Variants in PRKN observed in about 807,000 individuals in gnomAD.
PRKN encodes the protein E3 ubiquitin-protein ligase parkin.
PRKN carries 56 observed loss-of-function variants against 59.5 expected under a neutral mutation model. That is an observed-to-expected ratio of 0.94 (90% CI 0.76 to 1.18). The LOEUF is 1.18. PRKN is among the 50% of genes most tolerant of loss of function. The probability of loss-of-function intolerance (pLI) is 0.00; values close to 1 mark genes in which losing one functional copy is unlikely to be tolerated. For synonymous variants in PRKN, 250 were observed against 222.1 expected, an observed-to-expected ratio of 1.13 and a Z score of -1.12; for missense variants, 657 against 596.4, an observed-to-expected ratio of 1.10 and a Z score of -1.06.
intron 1 of PRKN, among the ~76,000 whole-genome samples, chr6:162,622,424 T>C (rs1427122021): frequency 4.6e-5 from 7 of 152,060 alleles, no homozygotes; most frequent in Non-Finnish European, 1.0e-4. Context: ...CCTCAGGTCA[T>C]CTGCCCACCT....
chr6:161,973,229 G>T lies in PRKN; in HGVS notation c.734+73C>A. On this transcript the variant is annotated intron_variant, in intron 6 of 11. Coordinates refer to ENST00000366898, the MANE Select transcript of PRKN (RefSeq NM_004562.3). ...AGAACAATATTGGGAAAGTAAGGAG[G>T]GGGGAGTGATGCTATTTTTAGATCC... 5 of 943,064 alleles carry T rather than the reference G, an allele frequency of 5.3e-6. No individual in the cohort carries two copies. The South Asian group carries it at 6.5e-5, about 12-fold the overall frequency. 58.4% of individuals were successfully genotyped at this position (943,064 alleles called of 1,614,324 possible).
chr6:161,490,801 C>T (rs191883338), intron 9 of PRKN, among the ~76,000 whole-genome samples: 18 of 152,228 alleles, frequency 1.2e-4, no homozygotes, highest in Admixed American at 7.2e-4. Flanking sequence ...GTGGGGTTCT[C>T]ATGCTTGTGT....
chr6:161,605,805 C>T (rs189738817), intron 7 of PRKN, among the ~76,000 whole-genome samples: 225 of 152,118 alleles, frequency 1.5e-3, no homozygotes, highest in South Asian at 4.2e-3. Flanking sequence ...CCACTGCACC[C>T]GTCTGGACTA....
intron 3 of PRKN, 31 bp downstream of exon 3, chr6:162,262,494 T>C: frequency 6.2e-7 from 1 of 1,613,692 alleles, no homozygotes; most frequent in Middle Eastern, 1.7e-4. Context: ...ACAAACAAAA[T>C]GCTTTAATAA....
Position 162,054,152 on chromosome 6 carries a change from ACAT to A in PRKN, c.554_556del (p.Asp185del). 1 of 1,613,210 alleles carries A rather than the reference ACAT, an allele frequency of 6.2e-7. No homozygotes were observed. Reference sequence around the variant, plus strand: ...ACCACTCATCCGGTTTGGAATTAAAACATCATCCCAGCAAGATGGACCCTTTGG... The same window carrying A: ...ACCACTCATCCGGTTTGGAATTAAAACATCCCAGCAAGATGGACCCTTTGG... On this transcript the variant is annotated inframe_deletion, in exon 5 of 12. Coordinates refer to ENST00000366898, the MANE Select transcript of PRKN (RefSeq NM_004562.3).
intron 2 of PRKN, among the ~76,000 whole-genome samples, chr6:162,384,273 G>T (rs1786663160): frequency 6.6e-6 from 1 of 152,182 alleles, no homozygotes; most frequent in Non-Finnish European, 1.5e-5. Flanking sequence ...TAAAGTGAGA[G>T]ATTTGCAACT....
At chr6:161,900,737 T>C (rs1275276505) in intron 6 of PRKN, among the ~76,000 whole-genome samples, 1 of 130,334 alleles carries the variant, frequency 7.7e-6, no homozygotes, top group African/African-American at 2.9e-5. Context: ...ATGTATAACA[T>C]ATATTTATGT....
chr6:162,594,354 C>G (rs191881424), intron 1 of PRKN, among the ~76,000 whole-genome samples: 3 of 152,046 alleles, frequency 2.0e-5, no homozygotes, highest in Admixed American at 1.3e-4. Context: ...TTTAGAATCT[C>G]CTAAATATAT....
At chr6:161,804,409 T>C (rs1240987881) in intron 6 of PRKN, among the ~76,000 whole-genome samples, 1 of 152,150 alleles carries the variant, frequency 6.6e-6, no homozygotes, top group Non-Finnish European at 1.5e-5. Context: ...CGTGCCTCGA[T>C]GTAGGAGGAA....
intron 3 of PRKN, among the ~76,000 whole-genome samples, chr6:162,237,228 GA>G (rs1241071893): frequency 6.6e-6 from 1 of 151,862 alleles, no homozygotes; most frequent in East Asian, 1.9e-4. Flanking sequence ...ATTTAGCATG[GA>G]AAAAAATGTG....
rs1013909369 is a variant in PRKN, at chr6:161,503,769, C to T, written c.1083+45085G>A. 1.9e-4 allele frequency among the ~76,000 whole-genome samples: 29 copies of T among 152,122 alleles called. No homozygotes were observed. Among genetic ancestry groups the T allele is most frequent in the African/African-American group, 7.0e-4 (29 of 41,428 alleles). On this transcript the variant is annotated intron_variant, in intron 9 of 11. Transcript: ENST00000366898. This position sits in a 1 kb window ranked among gnomAD's most constrained non-coding sequence, Gnocchi z 5.1. ...ATCACTCACTGCACCACAGGGTGGCCGTGACACAAAGTCAGATGTGAGCAT... is the reference window on the plus strand; with the variant it reads ...ATCACTCACTGCACCACAGGGTGGCTGTGACACAAAGTCAGATGTGAGCAT...
At chr6:161,614,963 CAGAGAGAGAGAGAGAGAGAG>C (rs71694349) in intron 7 of PRKN, among the ~76,000 whole-genome samples, 3 of 147,328 alleles carry the variant, frequency 2.0e-5, no homozygotes, top group Non-Finnish European at 1.5e-5. Flanking sequence ...GAGAGGAAGA[CAGAGAGAGAGAGAGAGAGAG>C]AGAGAGAGAG....
intron 6 of PRKN, among the ~76,000 whole-genome samples, chr6:161,813,300 CCTCCAG>C (rs1791636784): frequency 6.6e-6 from 1 of 152,106 alleles, no homozygotes; most frequent in Admixed American, 6.5e-5. Flanking sequence ...CTTTGCCCAA[CCTCCAG>C]TCTCAGGCGC....
intron 9 of PRKN, among the ~76,000 whole-genome samples, chr6:161,404,213 C>T (rs1401463359): frequency 6.6e-6 from 1 of 152,166 alleles, no homozygotes; most frequent in Non-Finnish European, 1.5e-5. Context: ...GTTCCCAGCT[C>T]TCTCACCCCA....
At chr6:161,639,374 C>T (rs1240498103) in intron 7 of PRKN, among the ~76,000 whole-genome samples, 7 of 152,072 alleles carry the variant, frequency 4.6e-5, no homozygotes, top group East Asian at 1.9e-4. Context: ...GTTAGCGCAA[C>T]GTCGGCACAC....
intron 4 of PRKN, among the ~76,000 whole-genome samples, chr6:162,164,963 T>A (rs1782914127): frequency 6.7e-6 from 1 of 149,044 alleles, no homozygotes; most frequent in Non-Finnish European, 1.5e-5. Context: ...AAATGTACCA[T>A]GTCTAAACCT....
intron 6 of PRKN, among the ~76,000 whole-genome samples, chr6:161,822,586 G>A (rs2128216636): frequency 6.6e-6 from 1 of 152,318 alleles, no homozygotes; most frequent in East Asian, 1.9e-4. Context: ...TGAGGCAGGA[G>A]AATTGCTTGA....
intron 7 of PRKN, among the ~76,000 whole-genome samples, chr6:161,631,081 A>G (rs1783289118): frequency 6.6e-6 from 1 of 152,162 alleles, no homozygotes; most frequent in Admixed American, 6.5e-5. Flanking sequence ...AGCCACAGCC[A>G]TGGAAGAGGA....
chr6:162,276,976 A>T (rs981371524), intron 2 of PRKN, among the ~76,000 whole-genome samples: 5 of 152,192 alleles, frequency 3.3e-5, no homozygotes, highest in African/African-American at 1.2e-4. Flanking sequence ...AACAGGTTAT[A>T]ATACATTAAA....
Sources: gnomAD v4.1 joint callset for allele counts (sites outside exome capture counted in the v4.1 genomes callset) on GRCh38, gnomAD v4.1.1 for gene constraint, Gnocchi (gnomAD v3.1) non-coding constraint, MANE v1.5 for transcripts, NCBI Gene and HGNC (gene_info 2026-07-23, HGNC 2026-07-21) for gene names.